The following CUX1 variants were observed in gnomAD, a reference collection of about 807,000 sequenced individuals.
The protein encoded by CUX1 is protein CASP.
A neutral mutation model predicts 158.8 loss-of-function variants in CUX1; 31 were observed. The observed-to-expected ratio is 0.20, with a 90% confidence interval of 0.15 to 0.26. CUX1 has a LOEUF of 0.26. Ranked by LOEUF, CUX1 falls within the 10% of genes least tolerant of loss-of-function variation. CUX1 has a pLI of 1.00. For synonymous variants in CUX1, 879 were observed against 862.1 expected, an observed-to-expected ratio of 1.02 and a Z score of -0.34; for missense variants, 1,589 against 2,014.6, an observed-to-expected ratio of 0.79 and a Z score of 4.04.
At chr7:101,856,298 C>T (rs534824937) in intron 1 of CUX1, among the ~76,000 whole-genome samples, 15 of 151,776 alleles carry the variant, frequency 9.9e-5, no homozygotes, top group African/African-American at 2.4e-4. Flanking sequence ...CCGTTAATCA[C>T]GACCCATAAT....
At chr7:102,075,915 G>A (rs1826657825) in intron 4 of CUX1, among the ~76,000 whole-genome samples, 1 of 152,144 alleles carries the variant, frequency 6.6e-6, no homozygotes, top group Admixed American at 6.5e-5. Flanking sequence ...CTTGGTGTCT[G>A]GGATCTGTGT....
intron 1 of CUX1, among the ~76,000 whole-genome samples, chr7:101,838,484 G>A (rs909026505): frequency 4.6e-5 from 7 of 151,442 alleles, no homozygotes; most frequent in African/African-American, 1.7e-4. Flanking sequence ...TGTGAATTTT[G>A]TTTGTTATGA....
chr7:102,032,837 G>C (rs1333467110), intron 3 of CUX1, among the ~76,000 whole-genome samples: 1 of 152,174 alleles, frequency 6.6e-6, no homozygotes, highest in Non-Finnish European at 1.5e-5. Flanking sequence ...TTGATGGGTG[G>C]TGTGGGGGAG....
chr7:102,061,037 G>A (rs1824811627), intron 3 of CUX1, among the ~76,000 whole-genome samples: 1 of 145,856 alleles, frequency 6.9e-6, no homozygotes, highest in Non-Finnish European at 1.5e-5. Context: ...TGATTCTCCT[G>A]CCCCAGCCTC....
intron 23 of CUX1, among the ~76,000 whole-genome samples, chr7:102,245,759 G>A (rs187848996): frequency 3.4e-4 from 51 of 152,204 alleles, no homozygotes; most frequent in Non-Finnish European, 6.5e-4. Context: ...ATCACCTGAG[G>A]TCAGGAGTTC....
In CUX1 at chr7:102,255,840, A is replaced by T. The variant is rs527845192; in HGVS notation, c.*6798A>T. The T allele has an allele frequency of 4.8e-5, 47 of 981,768 alleles. No homozygotes were observed. Among genetic ancestry groups the T allele is most frequent in the Non-Finnish European group, 5.0e-5 (41 of 827,210 alleles). The allele number at this position is 981,768 out of a possible 1,614,324, so 60.8% of individuals were successfully genotyped here. ...CCTTCTTCTTTTTTATTATTTTATT[A>T]TTTTTTTTGTACTTTGCTTTAAACG... On this transcript the variant is annotated 3_prime_UTR_variant, in exon 24 of 24. Transcript: ENST00000292535.
rs539583722 is a variant in CUX1 at position 101,868,981 on chromosome 7, G to A, written c.31-47134G>A. On this transcript the variant is annotated intron_variant, in intron 1 of 23. Transcript: ENST00000292535. ...GAGGAGAGGCCCCTGGATGCCAGCA[G>A]AGCTGTAGGCATGATCTGGGCCATG... 5.3e-5 allele frequency among the ~76,000 whole-genome samples: 8 copies of A among 152,342 alleles called. No homozygotes were observed. In the East Asian group the frequency reaches 1.5e-3, roughly 29 times the overall value.
chr7:102,070,224 T>C, intron 3 of CUX1, 115 bp from the exon 4 acceptor site: 1 of 826,928 alleles, frequency 1.2e-6, no homozygotes, highest in Non-Finnish European at 1.9e-6. Flanking sequence ...TGAAGCCCAG[T>C]TGTCAAGCAT....
chr7:101,930,274 T>C (rs1401166987), intron 2 of CUX1, among the ~76,000 whole-genome samples: 1 of 152,236 alleles, frequency 6.6e-6, no homozygotes, highest in Non-Finnish European at 1.5e-5. Context: ...GGGAATGTTT[T>C]CTAGGAGGGT....
At chr7:101,905,027 G>T (rs776663519) in intron 1 of CUX1, among the ~76,000 whole-genome samples, 30 of 152,268 alleles carry the variant, frequency 2.0e-4, no homozygotes, top group Non-Finnish European at 2.9e-5. Flanking sequence ...GTATCAGAGG[G>T]TGTCCCCATT....
At chr7:102,204,657 C>T (rs941353678) in intron 19 of CUX1, 101 bp downstream of exon 19, 38 of 1,480,116 alleles carry the variant, frequency 2.6e-5, no homozygotes, top group African/African-American at 1.3e-4. Context: ...GAGGGAACTC[C>T]GCCCCAGGAG....
At position 102,195,517 on chromosome 7, in the gene CUX1, A is replaced by G. The variant is rs1554517999; in HGVS notation, c.1136A>G (p.Lys379Arg). The change falls in exon 14 of 24, where the codon AAG becomes AGG. Residue 379 changes from lysine (K) to arginine (R), a missense_variant. By Grantham distance (26) the Lys-to-Arg change is conservative. Coordinates refer to ENST00000292535, the MANE Select transcript of CUX1 (RefSeq NM_181552.4). ...CTCTGCCCCTTCTAGGATGCGGCCA[A>G]GCCCCTGGAGGTGCTGTTGCTGGAG... Reference protein sequence around the residue: ...SEGAGTQDAAKPLEVLLLEKN... With the variant: ...SEGAGTQDAARPLEVLLLEKN... 1.2e-6 allele frequency: 2 copies of G among 1,612,202 alleles called. No individual in the cohort carries two copies. Among genetic ancestry groups the G allele is most frequent in the East Asian group, 4.5e-5 (2 of 44,834 alleles).
chr7:101,945,751 G>A (rs1298261884), intron 2 of CUX1, among the ~76,000 whole-genome samples: 1 of 152,198 alleles, frequency 6.6e-6, no homozygotes, highest in Non-Finnish European at 1.5e-5. Flanking sequence ...GTTCTAGTCC[G>A]CTAGGTTCAG....
intron 6 of CUX1, among the ~76,000 whole-genome samples, chr7:102,108,734 TTTTG>T (rs1161836740): frequency 2.1e-5 from 2 of 97,554 alleles, no homozygotes; most frequent in African/African-American, 5.0e-5. Flanking sequence ...ACTTCATTCA[TTTTG>T]TGTGTGTGTG....
At chr7:102,238,063 A>G (rs894261514) in intron 22 of CUX1, among the ~76,000 whole-genome samples, 1 of 152,224 alleles carries the variant, frequency 6.6e-6, no homozygotes, top group African/African-American at 2.4e-5. Context: ...ATGAAGGCAG[A>G]CTAGGAGCGT....
chr7:102,001,975 G>A (rs2129276585), intron 2 of CUX1, among the ~76,000 whole-genome samples: 1 of 152,284 alleles, frequency 6.6e-6, no homozygotes, highest in South Asian at 2.1e-4. Context: ...GACTAAAAAG[G>A]TGTTTAGAGA....
At chr7:102,034,458 A>G (rs952799391) in intron 3 of CUX1, among the ~76,000 whole-genome samples, 1 of 152,108 alleles carries the variant, frequency 6.6e-6, no homozygotes, top group Non-Finnish European at 1.5e-5. Context: ...TGTCTCTACT[A>G]AAAATACAAA....
At chr7:101,981,348 G>A (rs1478756453) in intron 2 of CUX1, among the ~76,000 whole-genome samples, 2 of 152,124 alleles carry the variant, frequency 1.3e-5, no homozygotes, top group African/African-American at 4.8e-5. Context: ...CTTCTTTTTT[G>A]TGAATGAAAG....
intron 2 of CUX1, among the ~76,000 whole-genome samples, chr7:101,986,784 A>G (rs1187588191): frequency 6.6e-6 from 1 of 152,208 alleles, no homozygotes; most frequent in Non-Finnish European, 1.5e-5. Flanking sequence ...GGACCCTACC[A>G]GAGCAGAGTC....
Sources: allele counts gnomAD v4.1 joint callset (sites outside exome capture counted in the v4.1 genomes callset), GRCh38; gene constraint gnomAD v4.1.1; transcripts MANE v1.5; gene names NCBI Gene and HGNC (gene_info 2026-07-23, HGNC 2026-07-21).